The following CRPPA variants were observed in gnomAD, a reference collection of about 807,000 sequenced individuals.
The protein encoded by CRPPA is D-ribitol-5-phosphate cytidylyltransferase.
A neutral mutation model predicts 52.0 loss-of-function variants in CRPPA; 43 were observed. That is an observed-to-expected ratio of 0.83 (90% CI 0.65 to 1.07). CRPPA has a LOEUF of 1.07. Ranked by LOEUF, CRPPA falls within the 50% of genes least tolerant of loss-of-function variation. The pLI is 0.00. For missense variants in CRPPA, 629 were observed against 551.7 expected (o/e 1.14, Z -1.40); for synonymous variants, 250 against 203.5 (o/e 1.23, Z -1.94).
intron 1 of CRPPA, among the ~76,000 whole-genome samples, chr7:16,419,730 C>A (rs78791977): frequency 0.072 from 10,892 of 152,040 alleles, 464 homozygotes; most frequent in East Asian, 0.12. Context: ...CCAAGAAAAC[C>A]TCACATAGAC....
rs759834650 is a variant in CRPPA, at chr7:16,159,342, C to A, written c.1251+56724G>T. Among the ~76,000 whole-genome samples the A allele has an allele frequency of 2.0e-5, 3 of 152,090 alleles. No individual in the cohort carries two copies. The East Asian group carries it at 5.8e-4, about 29-fold the overall frequency. ...TGCTTCCCAAACTGAGATTAAGGAACGCTTGTTTGTTATATTTGAAAGTAT... is the reference window on the plus strand; with the variant it reads ...TGCTTCCCAAACTGAGATTAAGGAAAGCTTGTTTGTTATATTTGAAAGTAT... On this transcript the variant is annotated intron_variant, in intron 9 of 9. Coordinates refer to ENST00000407010, the MANE Select transcript of CRPPA (RefSeq NM_001101426.4).
At chr7:16,109,355 C>A (rs1436859423) in intron 9 of CRPPA, among the ~76,000 whole-genome samples, 3 of 151,606 alleles carry the variant, frequency 2.0e-5, no homozygotes, top group Non-Finnish European at 4.4e-5. Context: ...CGAAATTGAA[C>A]CATGAAGAAA....
Position 16,258,482 on chromosome 7 carries a change from C to T in CRPPA, c.1027G>A (p.Val343Ile), listed in dbSNP as rs1222290444. 6.3e-6 allele frequency: 10 copies of T among 1,578,308 alleles called. No homozygotes were observed. Among genetic ancestry groups the T allele is most frequent in the Non-Finnish European group, 8.6e-6 (10 of 1,159,002 alleles). The change falls in exon 8 of 10, where the codon GTT becomes ATT. Residue 343 changes from valine to isoleucine, a missense_variant and splice_region_variant. Val to Ile is a conservative substitution (Grantham distance 29, BLOSUM62 3). Coordinates refer to ENST00000407010, the MANE Select transcript of CRPPA (RefSeq NM_001101426.4). ...GTTTCTTGAAAATCAGAGGTTGTAA[C>T]CTAAAAGACCAGAAAAATAAAAGGA... ...DQCYNFVCVN[V>I]TTSDFQETQK... is the part of the protein sequence containing the mutation.
intron 3 of CRPPA, among the ~76,000 whole-genome samples, chr7:16,355,492 A>G (rs1475880096): frequency 6.6e-6 from 1 of 152,144 alleles, no homozygotes; most frequent in Non-Finnish European, 1.5e-5. Context: ...CCAAATGACC[A>G]TTGGATGTCT....
intron 9 of CRPPA, among the ~76,000 whole-genome samples, chr7:16,124,230 A>G (rs916997545): frequency 1.4e-5 from 2 of 147,902 alleles, no homozygotes. Context: ...TGTCTTTTTG[A>G]TAATAGCCAT....
At chr7:16,323,680 G>C (rs918081634) in intron 3 of CRPPA, among the ~76,000 whole-genome samples, 2 of 152,126 alleles carry the variant, frequency 1.3e-5, no homozygotes, top group Non-Finnish European at 2.9e-5. Flanking sequence ...TGTGTAACAA[G>C]AGCAAACTGA....
chr7:16,147,854 G>A (rs1018713855), intron 9 of CRPPA, among the ~76,000 whole-genome samples: 10 of 152,004 alleles, frequency 6.6e-5, no homozygotes, highest in Non-Finnish European at 1.3e-4. Flanking sequence ...AAATATTCTA[G>A]TACCAACTAT....
chr7:16,275,918 C>A (rs1051408633), intron 6 of CRPPA, among the ~76,000 whole-genome samples: 1 of 151,652 alleles, frequency 6.6e-6, no homozygotes, highest in Non-Finnish European at 1.5e-5. Flanking sequence ...GAAACCCATG[C>A]ACATCAGAAA....
At chr7:16,246,932 T>A (rs1157741092) in intron 8 of CRPPA, among the ~76,000 whole-genome samples, 1 of 152,234 alleles carries the variant, frequency 6.6e-6, no homozygotes, top group Non-Finnish European at 1.5e-5. Flanking sequence ...CATTAGCTCC[T>A]AATAAGTGTC....
At chr7:16,399,337 G>C (rs1443265229) in intron 2 of CRPPA, among the ~76,000 whole-genome samples, 1 of 152,044 alleles carries the variant, frequency 6.6e-6, no homozygotes, top group Non-Finnish European at 1.5e-5. Flanking sequence ...ACCAGAGTGT[G>C]ATTGACACAT....
chr7:16,236,107 G>A (rs1014198429), intron 8 of CRPPA: 1 of 152,056 alleles, frequency 6.6e-6, no homozygotes, highest in African/African-American at 2.4e-5. Flanking sequence ...AATGGTAAGA[G>A]CAAGAAACAC....
intron 6 of CRPPA, among the ~76,000 whole-genome samples, chr7:16,265,376 G>A (rs1783926748): frequency 6.6e-6 from 1 of 152,158 alleles, no homozygotes; most frequent in Non-Finnish European, 1.5e-5. Flanking sequence ...ACAAGGAAAA[G>A]GACTGGTGCT....
intron 9 of CRPPA, among the ~76,000 whole-genome samples, chr7:16,207,695 T>C (rs1782004517): frequency 6.6e-6 from 1 of 152,232 alleles, no homozygotes; most frequent in Non-Finnish European, 1.5e-5. Flanking sequence ...GTTTGTTCTT[T>C]TAGACTATTT....
chr7:16,301,313 C>T, intron 5 of CRPPA, 108 bp downstream of exon 5: 1 of 847,070 alleles, frequency 1.2e-6, no homozygotes. Flanking sequence ...CCTTGGCCTA[C>T]AGGCTTTTCT....
At chr7:16,120,015 G>A (rs1409433930) in intron 9 of CRPPA, among the ~76,000 whole-genome samples, 1 of 152,186 alleles carries the variant, frequency 6.6e-6, no homozygotes, top group Non-Finnish European at 1.5e-5. Context: ...AGCTGGCAAG[G>A]AGTGCAACAA....
chr7:16,122,738 C>A (rs533121139), intron 9 of CRPPA, among the ~76,000 whole-genome samples: 1 of 152,068 alleles, frequency 6.6e-6, no homozygotes, highest in African/African-American at 2.4e-5. Context: ...CTATTATACT[C>A]CTTTTTAAAA....
At chr7:16,341,396 G>A (rs909925604) in intron 3 of CRPPA, among the ~76,000 whole-genome samples, 1 of 151,954 alleles carries the variant, frequency 6.6e-6, no homozygotes, top group Non-Finnish European at 1.5e-5. Context: ...CCTCCATCTT[G>A]CTGTAAAATT....
At chr7:16,243,070 G>A (rs567382108) in intron 8 of CRPPA, among the ~76,000 whole-genome samples, 9 of 152,220 alleles carry the variant, frequency 5.9e-5, no homozygotes, top group South Asian at 4.2e-4. Context: ...TGTCAAAGGC[G>A]GGACCTATAA....
chr7:16,164,533 C>T (rs1467849324), intron 9 of CRPPA, among the ~76,000 whole-genome samples: 1 of 152,310 alleles, frequency 6.6e-6, no homozygotes, highest in East Asian at 1.9e-4. Context: ...CATTCTCCGT[C>T]CAGTTTTGTT....
Sources: gnomAD v4.1 joint callset for allele counts (sites outside exome capture counted in the v4.1 genomes callset) on GRCh38, gnomAD v4.1.1 for gene constraint, MANE v1.5 for transcripts, NCBI Gene and HGNC (gene_info 2026-07-23, HGNC 2026-07-21) for gene names.